Variants in ADCY8 observed in about 807,000 individuals in gnomAD.
The protein encoded by ADCY8 is adenylate cyclase type 8.
In ADCY8, 51 loss-of-function variants were observed where a neutral mutation model predicts 119.7. That is an observed-to-expected ratio of 0.43 (90% CI 0.34 to 0.54). The LOEUF is 0.54. Ranked by LOEUF, ADCY8 falls within the 20% of genes least tolerant of loss-of-function variation. The pLI is 0.03. For missense variants in ADCY8, 1,383 were observed against 1,598.8 expected (o/e 0.87, Z 2.30); for synonymous variants, 665 against 651.0 (o/e 1.02, Z -0.33).
At chr8:131,018,580 C>T (rs1823554187) in intron 1 of ADCY8, among the ~76,000 whole-genome samples, 1 of 152,210 alleles carries the variant, frequency 6.6e-6, no homozygotes, top group Non-Finnish European at 1.5e-5. Flanking sequence ...GCAAGCTGCA[C>T]AATGACAGGT....
In ADCY8 at chr8:130,849,859, A is replaced by T. The variant is rs894524463; in HGVS notation, c.2211-56T>A. 7 of 1,490,914 alleles carry T rather than the reference A, an allele frequency of 4.7e-6. No homozygotes were observed. The African/African-American group carries it at 6.9e-5, about 15-fold the overall frequency. 92.4% of individuals were successfully genotyped at this position (1,490,914 alleles called of 1,614,324 possible). ...GGCATCAATTGTCTGAGCAACACTG[A>T]AATTCTATTCCTGGTCTTCCTTTCC... On this transcript the variant is annotated intron_variant, in intron 9 of 17. Transcript: ENST00000286355.
At chr8:130,934,146 A>T (rs1054208182) in intron 5 of ADCY8, among the ~76,000 whole-genome samples, 1 of 152,190 alleles carries the variant, frequency 6.6e-6, no homozygotes, top group Non-Finnish European at 1.5e-5. Context: ...ACACCTAATT[A>T]GTTGTAGAGA....
rs886845214 is a variant in ADCY8 at position 130,847,327 on chromosome 8, G to C, written c.2502+97C>G. Reference sequence around the variant, plus strand: ...AGAAGAAGGAAAACAGGCCTCTTGAGTATTTTCTATGGCCCTTCAGCCAGT... The same window carrying C: ...AGAAGAAGGAAAACAGGCCTCTTGACTATTTTCTATGGCCCTTCAGCCAGT... On this transcript the variant is annotated intron_variant, in intron 11 of 17. Transcript: ENST00000286355. The C allele has an allele frequency of 1.5e-5, 13 of 841,500 alleles. No individual in the cohort carries two copies. In the African/African-American group the frequency reaches 2.1e-4, roughly 13 times the overall value. The allele number at this position is 841,500 out of a possible 1,614,324, so 52.1% of individuals were successfully genotyped here.
intron 5 of ADCY8, 104 bp downstream of exon 5, chr8:130,936,965 AAGGT>A: frequency 7.4e-7 from 1 of 1,345,712 alleles, no homozygotes; most frequent in South Asian, 1.9e-5. Context: ...AATAAGTCAA[AAGGT>A]TCTGCCTTTC....
intron 17 of ADCY8, 21 bp from the exon 18 acceptor site, chr8:130,780,898 G>C: frequency 6.2e-7 from 1 of 1,609,644 alleles, no homozygotes; most frequent in South Asian, 1.1e-5. Context: ...AAGCAAAGGA[G>C]CAAGAAGTCA....
At chr8:130,928,238 A>G (rs1457347769) in intron 5 of ADCY8, among the ~76,000 whole-genome samples, 1 of 152,074 alleles carries the variant, frequency 6.6e-6, no homozygotes, top group Non-Finnish European at 1.5e-5. Context: ...CACCCACATA[A>G]TTTTTAAATA....
rs116597649 is a variant in ADCY8, at chr8:130,825,643, A to G, written c.2676-4223T>C. Among the ~76,000 whole-genome samples the G allele has an allele frequency of 5.0e-3, 760 of 152,346 alleles. 5 individuals are homozygous for G. The highest frequency in any genetic ancestry group is 0.015 in the African/African-American group (620 of 41,582). Reference sequence around the variant, plus strand: ...GAGAAGATCAGTTCTGCTTCTAAAAAGTCTGATGTGTCTTTATGCAGACAT... The same window carrying G: ...GAGAAGATCAGTTCTGCTTCTAAAAGGTCTGATGTGTCTTTATGCAGACAT... On this transcript the variant is annotated intron_variant, in intron 12 of 17. Transcript: ENST00000286355.
intron 8 of ADCY8, among the ~76,000 whole-genome samples, chr8:130,876,975 A>G (rs1818591377): frequency 6.6e-6 from 1 of 152,102 alleles, no homozygotes; most frequent in Non-Finnish European, 1.5e-5. Flanking sequence ...GCTGCCTTCT[A>G]TTACTGTGGG....
rs73718855 is a variant in ADCY8 at position 130,983,413 on chromosome 8, G to C, written c.1110+6980C>G. The stretch of plus-strand genomic sequence containing the variant: ...ACCCAACAAGAAGCCAGAGGGTAAT[G>C]AGTCTGTTGATGAGATCCATAAAGG... On this transcript the variant is annotated intron_variant, in intron 2 of 17. Transcript: ENST00000286355. Among the ~76,000 whole-genome samples the C allele has an allele frequency of 2.6e-5, 4 of 152,080 alleles. 1 individual carries two copies. The highest frequency in any genetic ancestry group is 1.3e-4 in the Admixed American group (2 of 15,278).
intron 8 of ADCY8, among the ~76,000 whole-genome samples, chr8:130,868,818 T>C (rs1315973929): frequency 1.3e-5 from 2 of 152,198 alleles, no homozygotes; most frequent in Non-Finnish European, 2.9e-5. Context: ...AAGTGTCACT[T>C]TGGAACTTTG....
intron 3 of ADCY8, 35 bp from the exon 4 acceptor site, chr8:130,943,497 G>GGGGGGGGCCCCCCCCCCCC: frequency 4.1e-6 from 2 of 491,350 alleles, no homozygotes; most frequent in Middle Eastern, 3.7e-4. Context: ...GTGGGGGGAG[G>GGGGGGGGCCCCCCCCCCCC]AAGTATATTA....
intron 9 of ADCY8, among the ~76,000 whole-genome samples, chr8:130,858,999 C>T (rs944928120): frequency 4.6e-5 from 7 of 151,704 alleles, no homozygotes; most frequent in African/African-American, 1.7e-4. Context: ...CAAGGCTAAT[C>T]TTGTATATTT....
intron 7 of ADCY8, among the ~76,000 whole-genome samples, chr8:130,885,248 A>G (rs1308440223): frequency 1.3e-5 from 2 of 151,438 alleles, no homozygotes; most frequent in Non-Finnish European, 2.9e-5. Context: ...AGCATTACTC[A>G]TAGAAAGACA....
intron 3 of ADCY8, among the ~76,000 whole-genome samples, chr8:130,950,241 T>C (rs964305113): frequency 3.9e-5 from 6 of 152,220 alleles, no homozygotes; most frequent in African/African-American, 1.2e-4. Flanking sequence ...AGTTCCACTG[T>C]ATAAGCTGAA....
At chr8:130,990,656 T>C (rs1440153934) in intron 1 of ADCY8, 114 bp from the exon 2 acceptor site, 9 of 1,334,040 alleles carry the variant, frequency 6.7e-6, no homozygotes, top group African/African-American at 4.5e-5. Context: ...GTAATCCATA[T>C]GTTTAATCGC....
chr8:130,883,204 G>A (rs1818845468), intron 8 of ADCY8, among the ~76,000 whole-genome samples: 1 of 152,174 alleles, frequency 6.6e-6, no homozygotes, highest in African/African-American at 2.4e-5. Context: ...GTTTTGTATA[G>A]CTCTGGACAC....
intron 2 of ADCY8, among the ~76,000 whole-genome samples, chr8:130,961,361 C>A (rs541512069): frequency 6.6e-6 from 1 of 152,166 alleles, no homozygotes; most frequent in South Asian, 2.1e-4. Context: ...CCACCCACCT[C>A]GGTCTCCCAA....
intron 2 of ADCY8, among the ~76,000 whole-genome samples, chr8:130,969,197 G>A (rs1477569098): frequency 6.6e-6 from 1 of 152,060 alleles, no homozygotes; most frequent in Non-Finnish European, 1.5e-5. Context: ...CATAATATGG[G>A]TGGTCCAATC....
In ADCY8 at chr8:130,814,051, G is replaced by T; in HGVS notation, c.2913+18C>A. 6.2e-7 allele frequency: 1 copy of T among 1,613,380 alleles called. No homozygotes were observed. The highest frequency in any genetic ancestry group is 1.3e-5 in the African/African-American group (1 of 75,026). On this transcript the variant is annotated intron_variant, in intron 14 of 17. Coordinates refer to ENST00000286355, the MANE Select transcript of ADCY8 (RefSeq NM_001115.3). Reference sequence around the variant, plus strand: ...CACCACCACCCTTTCTCACTGGCTAGACCAGCCCCTGGCTCACCTCATTGT... The same window carrying T: ...CACCACCACCCTTTCTCACTGGCTATACCAGCCCCTGGCTCACCTCATTGT...
Sources: allele counts gnomAD v4.1 joint callset (sites outside exome capture counted in the v4.1 genomes callset), GRCh38; gene constraint gnomAD v4.1.1; transcripts MANE v1.5; gene names NCBI Gene and HGNC (gene_info 2026-07-23, HGNC 2026-07-21).